The following PLCB1 variants were observed in gnomAD, a reference collection of about 807,000 sequenced individuals.
The protein encoded by PLCB1 is phospholipase C beta 1.
Under a neutral mutation model 161.8 loss-of-function variants are expected in PLCB1, and 46 were observed. That is an observed-to-expected ratio of 0.28 (90% CI 0.22 to 0.36). PLCB1 has a LOEUF of 0.36. Among genes scored for constraint, PLCB1 ranks in the 10% least tolerant of loss-of-function variants. The pLI, the probability that PLCB1 is intolerant of heterozygous loss-of-function variation, is 1.00. For missense variants in PLCB1, 1,016 were observed against 1,472.5 expected, an observed-to-expected ratio of 0.69 and a Z score of 5.07; for synonymous variants, 517 against 503.7, an observed-to-expected ratio of 1.03 and a Z score of -0.35.
chr20:8,530,609 T>C (rs1984772834), intron 3 of PLCB1, among the ~76,000 whole-genome samples: 1 of 152,174 alleles, frequency 6.6e-6, no homozygotes. Flanking sequence ...ATTACTAAAA[T>C]GTGGTTAGGT....
chr20:8,515,888 A>T (rs1048603186), intron 3 of PLCB1, among the ~76,000 whole-genome samples: 12 of 152,282 alleles, frequency 7.9e-5, no homozygotes, highest in African/African-American at 2.9e-4. Context: ...GCTAATAAAG[A>T]CATACCCAAG....
chr20:8,528,043 C>T (rs76903667), intron 3 of PLCB1, among the ~76,000 whole-genome samples: 4,126 of 152,034 alleles, frequency 0.027, 175 homozygotes, highest in African/African-American at 0.086. Context: ...GTAACAATGA[C>T]GTAATTGATG....
intron 3 of PLCB1, among the ~76,000 whole-genome samples, chr20:8,572,700 C>T (rs1316487080): frequency 1.3e-5 from 2 of 152,144 alleles, no homozygotes; most frequent in Non-Finnish European, 2.9e-5. Context: ...GATCAGACTT[C>T]AGTTACAAAA....
At chr20:8,466,806 A>G (rs1434124083) in intron 3 of PLCB1, among the ~76,000 whole-genome samples, 1 of 152,144 alleles carries the variant, frequency 6.6e-6, no homozygotes, top group Non-Finnish European at 1.5e-5. Flanking sequence ...TTTGGCCATC[A>G]CAACTTGAAT....
At chr20:8,225,063 A>T (rs1331368714) in intron 2 of PLCB1, among the ~76,000 whole-genome samples, 1 of 152,190 alleles carries the variant, frequency 6.6e-6, no homozygotes, top group African/African-American at 2.4e-5. Flanking sequence ...TTTGATCTAA[A>T]CACCGTCTTA....
At chr20:8,442,073 T>A (rs1980585986) in intron 3 of PLCB1, among the ~76,000 whole-genome samples, 1 of 152,250 alleles carries the variant, frequency 6.6e-6, no homozygotes, top group African/African-American at 2.4e-5. Context: ...TTCCATTTGT[T>A]AATGTGTGCA....
At chr20:8,364,183 T>C (rs1442811558) in intron 2 of PLCB1, among the ~76,000 whole-genome samples, 1 of 152,180 alleles carries the variant, frequency 6.6e-6, no homozygotes, top group African/African-American at 2.4e-5. Context: ...GAAGAATGCA[T>C]GAACTCCAGA....
intron 3 of PLCB1, among the ~76,000 whole-genome samples, chr20:8,470,895 T>C (rs1387728328): frequency 6.6e-6 from 1 of 152,184 alleles, no homozygotes; most frequent in African/African-American, 2.4e-5. Context: ...GGTCTTGTTT[T>C]GTTCCTTAAC....
At chr20:8,515,238 A>G (rs542977630) in intron 3 of PLCB1, among the ~76,000 whole-genome samples, 5 of 152,314 alleles carry the variant, frequency 3.3e-5, no homozygotes, top group African/African-American at 1.2e-4. Context: ...TAGCCCTTCA[A>G]TTATAGAGCT....
At chr20:8,686,928 T>C (rs979022278) in intron 10 of PLCB1, among the ~76,000 whole-genome samples, 1 of 152,180 alleles carries the variant, frequency 6.6e-6, no homozygotes, top group South Asian at 2.1e-4. Context: ...GCCTGGACTG[T>C]TTCAGTGAAC....
intron 2 of PLCB1, among the ~76,000 whole-genome samples, chr20:8,203,984 T>G (rs1440877223): frequency 1.3e-5 from 2 of 152,138 alleles, no homozygotes. Context: ...TCTTGGTGCC[T>G]TCTGGGGTCA....
At chr20:8,319,055 T>A (rs1260908086) in intron 2 of PLCB1, among the ~76,000 whole-genome samples, 1 of 152,152 alleles carries the variant, frequency 6.6e-6, no homozygotes, top group East Asian at 1.9e-4. Context: ...TTTAGTAATG[T>A]AGTGTGTATT....
chr20:8,567,495 G>A (rs1568511255), intron 3 of PLCB1, among the ~76,000 whole-genome samples: 1 of 152,102 alleles, frequency 6.6e-6, no homozygotes, highest in Non-Finnish European at 1.5e-5. Context: ...TCAAGATCTT[G>A]ATGGAAAATC....
At chr20:8,692,977 G>A (rs949210562) in intron 10 of PLCB1, among the ~76,000 whole-genome samples, 1 of 152,040 alleles carries the variant, frequency 6.6e-6, no homozygotes, top group African/African-American at 2.4e-5. Context: ...GAAGAATCAA[G>A]ATTTACCCCA....
intron 3 of PLCB1, among the ~76,000 whole-genome samples, chr20:8,407,499 A>G (rs952157214): frequency 2.6e-5 from 4 of 152,324 alleles, no homozygotes; most frequent in African/African-American, 9.6e-5. Flanking sequence ...AACTTCTTAC[A>G]TGGTGGCGGC....
rs149553037 is a variant in PLCB1 at position 8,614,553 on chromosome 20, A to G, written c.247-13741A>G. 5.9e-5 allele frequency among the ~76,000 whole-genome samples: 9 copies of G among 151,522 alleles called. No individual in the cohort carries two copies. The East Asian group carries it at 1.7e-3, about 29-fold the overall frequency. On this transcript the variant is annotated intron_variant, in intron 3 of 31. Transcript: ENST00000338037. ...GTAAGCAGTCAAGTTACAAATAAAT[A>G]TGTTTACTTTGATTCTAGTTATGTA...
rs73591751 is a variant in PLCB1, at chr20:8,355,669, G to A, written c.178-15713G>A. On this transcript the variant is annotated intron_variant, in intron 2 of 31. Transcript: ENST00000338037. Reference sequence around the variant, plus strand: ...AAGTGCAAAGTTTGGTGGCGAATGAGCAACCTTTGCCTTAAGCTCTGTGCG... The same window carrying A: ...AAGTGCAAAGTTTGGTGGCGAATGAACAACCTTTGCCTTAAGCTCTGTGCG... Among the ~76,000 whole-genome samples the A allele has an allele frequency of 5.1e-3, 771 of 152,220 alleles. 9 individuals are homozygous for A. The highest frequency in any genetic ancestry group is 0.018 in the African/African-American group (732 of 41,520).
intron 2 of PLCB1, among the ~76,000 whole-genome samples, chr20:8,334,282 C>T (rs1335576254): frequency 1.3e-5 from 2 of 152,086 alleles, no homozygotes; most frequent in Admixed American, 6.5e-5. Flanking sequence ...AACTATGATT[C>T]GAGGCAAGTT....
At chr20:8,277,670 C>T (rs888160217) in intron 2 of PLCB1, among the ~76,000 whole-genome samples, 1 of 152,076 alleles carries the variant, frequency 6.6e-6, no homozygotes, top group African/African-American at 2.4e-5. Context: ...TTTAATATTA[C>T]AGAACTAATA....
Sources: allele counts gnomAD v4.1 joint callset (sites outside exome capture counted in the v4.1 genomes callset), GRCh38; gene constraint gnomAD v4.1.1; transcripts MANE v1.5; gene names NCBI Gene and HGNC (gene_info 2026-07-23, HGNC 2026-07-21).